ZNF717: variants seen among roughly 807,000 people sequenced by gnomAD.
ZNF717 encodes the protein zinc finger protein 717.
ZNF717 carries 9 observed loss-of-function variants against 13.8 expected under a neutral mutation model. That is an observed-to-expected ratio of 0.65 (90% CI 0.39 to 1.14). The LOEUF (loss-of-function observed/expected upper bound fraction) is 1.14, where lower values mean the gene tolerates loss of function less well. ZNF717 is among the 50% of genes most tolerant of loss of function. The probability of loss-of-function intolerance (pLI) is 0.01; values close to 1 mark genes in which losing one functional copy is unlikely to be tolerated. For synonymous variants in ZNF717, 327 were observed against 364.1 expected (o/e 0.90, Z 1.16); for missense variants, 1,040 against 1,080.7 (o/e 0.96, Z 0.53).
rs80175309 is a variant in ZNF717 at position 75,724,345 on chromosome 3, G to A, written n.545-7804C>T. ...GATCTCTCATCTCTGCACACAGGGA[G>A]GAAAACCCACAGACCCTGTAGGGCT... On this transcript the variant is annotated intron_variant and non_coding_transcript_variant, in intron 4 of 5. Coordinates refer to the ZNF717 transcript ENST00000491507. 5.3e-5 allele frequency among the ~76,000 whole-genome samples: 8 copies of A among 152,152 alleles called. No homozygotes were observed. The South Asian group carries it at 6.2e-4, about 12-fold the overall frequency.
At chr3:75,768,841 C>T (rs1224758716) in intron 2 of ZNF717, among the ~76,000 whole-genome samples, 8 of 147,290 alleles carry the variant, frequency 5.4e-5, no homozygotes, top group Admixed American at 2.0e-4. Context: ...TGTGGGGGGA[C>T]AGATGACAGG....
downstream of ZNF717, among the ~76,000 whole-genome samples, chr3:75,707,223 G>A (rs1381744284): frequency 6.6e-6 from 1 of 152,088 alleles, no homozygotes; most frequent in African/African-American, 2.4e-5. Context: ...ACATATTAAG[G>A]CAAGAAGCAT....
In ZNF717 at chr3:75,785,529, C is replaced by T. The variant is rs1443199825; in HGVS notation, c.-148G>A. On this transcript the variant is annotated 5_prime_UTR_variant, in exon 1 of 5. Transcript: ENST00000652011. ...ACCCGCAGGGACATAGAACCAAGCC[C>T]CAGGCTGGCCCAGCTACAAGACCGC... 6.6e-6 allele frequency: 1 copy of T among 152,450 alleles called. No individual in the cohort carries two copies. Among genetic ancestry groups the T allele is most frequent in the Non-Finnish European group, 1.5e-5 (1 of 68,194 alleles). The allele number at this position is 152,450 out of a possible 1,614,324, so 9.4% of individuals were successfully genotyped here. A position where few individuals can be genotyped will look rare whatever the true frequency, so the allele number is the denominator to read the frequency against.
chr3:75,703,787 G>A (rs80005333), intron 6 of ZNF717, among the ~76,000 whole-genome samples: 1 of 152,300 alleles, frequency 6.6e-6, no homozygotes, highest in African/African-American at 2.4e-5. Flanking sequence ...GTGTTAGAGG[G>A]ACTCATGGCT....
exon 6 of ZNF717, chr3:75,710,301 C>A (rs1392040736): frequency 1.7e-4 from 25 of 148,748 alleles, no homozygotes; most frequent in African/African-American, 5.9e-4. Context: ...GATGGTGTAA[C>A]CACATGGCCT....
intron 4 of ZNF717, 31 bp from the exon 5 acceptor site, chr3:75,739,376 A>C: frequency 7.0e-7 from 1 of 1,420,250 alleles, no homozygotes; most frequent in Middle Eastern, 1.9e-4. Context: ...TCCATGAACC[A>C]CACATGAGCA....
chr3:75,757,623 C>T (rs1942607402), intron 2 of ZNF717, among the ~76,000 whole-genome samples: 1 of 152,154 alleles, frequency 6.6e-6, no homozygotes, highest in African/African-American at 2.4e-5. Context: ...CATTCTGCTG[C>T]CCTTGGATCA....
At chr3:75,767,169 T>C (rs1393214936) in intron 2 of ZNF717, among the ~76,000 whole-genome samples, 1 of 152,200 alleles carries the variant, frequency 6.6e-6, no homozygotes, top group African/African-American at 2.4e-5. Flanking sequence ...GAGACCCCCA[T>C]GATGGAAACC....
Position 75,738,034 on chromosome 3 carries a change from G to C in ZNF717, c.1589C>G (p.Ala530Gly). ...SFLTVHQRTH[A>G]GEKPYACNEC... ...GTTACATGCGTATGGTTTTTCCCCAGCATGAGTTCTCTGATGGACAGTGAG... is the reference window on the plus strand; with the variant it reads ...GTTACATGCGTATGGTTTTTCCCCACCATGAGTTCTCTGATGGACAGTGAG... Residue 530 changes from alanine (A) to glycine (G), a missense_variant, in exon 5 of 5, where the codon GCT becomes GGT. Around this residue, in one of 3 missense-constraint regions of ZNF717, gnomAD observed 873 missense variants for 832.8 expected, o/e 1.05. Coordinates refer to ENST00000652011, the MANE Select transcript of ZNF717 (RefSeq NM_001290208.3). 7.4e-7 allele frequency: 1 copy of C among 1,342,636 alleles called. No individual in the cohort carries two copies. Among genetic ancestry groups the C allele is most frequent in the Non-Finnish European group, 9.9e-7 (1 of 1,006,252 alleles). 83.2% of individuals were successfully genotyped at this position (1,342,636 alleles called of 1,614,324 possible). A position where few individuals can be genotyped will look rare whatever the true frequency, so the allele number is the denominator to read the frequency against.
intron 2 of ZNF717, among the ~76,000 whole-genome samples, chr3:75,768,543 G>T (rs1316467585): frequency 2.0e-5 from 3 of 147,754 alleles, no homozygotes; most frequent in Non-Finnish European, 3.0e-5. Context: ...CTGAGTGTGT[G>T]GGGGGGTAGA....
intron 2 of ZNF717, among the ~76,000 whole-genome samples, chr3:75,774,713 C>T (rs59960229): frequency 0.094 from 13,768 of 147,118 alleles, 1,084 homozygotes; most frequent in African/African-American, 0.21. Context: ...CTCCGCCTCC[C>T]GGGTTCACAC....
chr3:75,730,689 A>G, intron 5 of ZNF717: 5 of 689,018 alleles, frequency 7.3e-6, no homozygotes, highest in Non-Finnish European at 1.3e-5. Context: ...AATGAACCTA[A>G]GAGAATGAAA....
downstream of ZNF717, among the ~76,000 whole-genome samples, chr3:75,705,435 T>C (rs1937785441): frequency 6.6e-6 from 1 of 152,312 alleles, no homozygotes; most frequent in African/African-American, 2.4e-5. Context: ...ATTACCCTTT[T>C]AATGCAAGTG....
At chr3:75,745,924 G>A (rs1289896615) in intron 2 of ZNF717, among the ~76,000 whole-genome samples, 1 of 151,682 alleles carries the variant, frequency 6.6e-6, no homozygotes, top group Non-Finnish European at 1.5e-5. Flanking sequence ...TGCACAACGT[G>A]CAGGTTTCTT....
intron 6 of ZNF717, among the ~76,000 whole-genome samples, chr3:75,694,876 A>G (rs1334343308): frequency 2.0e-5 from 3 of 152,224 alleles, no homozygotes; most frequent in East Asian, 3.8e-4. Context: ...AAATTAGATT[A>G]TAATACAAGA....
chr3:75,730,431 C>T, exon 6 of ZNF717: 1 of 473,088 alleles, frequency 2.1e-6, no homozygotes, highest in South Asian at 4.2e-5. Flanking sequence ...TATTTCCAGG[C>T]TATCTGCCAT....
At chr3:75,763,558 G>A (rs1043639724) in intron 2 of ZNF717, among the ~76,000 whole-genome samples, 1 of 145,350 alleles carries the variant, frequency 6.9e-6, no homozygotes, top group Non-Finnish European at 1.5e-5. Flanking sequence ...AAGCAGAGAG[G>A]AGCAAACACA....
intron 2 of ZNF717, among the ~76,000 whole-genome samples, chr3:75,780,402 A>C (rs1325206424): frequency 2.6e-5 from 4 of 152,188 alleles, no homozygotes; most frequent in Non-Finnish European, 5.9e-5. Flanking sequence ...TTGACTAAAA[A>C]GGAGGAATTA....
At position 75,737,578 on chromosome 3, in the gene ZNF717, T is replaced by A; in HGVS notation, c.2045A>T (p.Lys682Ile). The part of the protein sequence containing the change: ...KNRMDVMNVE[K>I]LFVRNHTLLY... ...TAAGGTATGATTTCTGACAAAAAGT[T>A]TTTCCACATTCATTACATCCATACG... Residue 682 changes from lysine to isoleucine, a missense_variant, in exon 5 of 5, where the codon AAA (lysine) becomes ATA (isoleucine). Physicochemically the swap from Lys to Ile is moderately radical, Grantham distance 102. Coordinates refer to ENST00000652011, the MANE Select transcript of ZNF717 (RefSeq NM_001290208.3). 1.3e-6 allele frequency: 2 copies of A among 1,544,478 alleles called. No individual in the cohort carries two copies. Among genetic ancestry groups the A allele is most frequent in the Non-Finnish European group, 1.8e-6 (2 of 1,142,086 alleles).
Sources: gnomAD v4.1 joint callset for allele counts (sites outside exome capture counted in the v4.1 genomes callset) on GRCh38, gnomAD v4.1.1 for gene constraint, gnomAD v4.1.1 regional missense constraint, MANE v1.5 for transcripts, NCBI Gene and HGNC (gene_info 2026-07-23, HGNC 2026-07-21) for gene names.